Variants in FRS2 observed in about 807,000 individuals in gnomAD.
FRS2 encodes fibroblast growth factor receptor substrate 2.
FRS2 carries 8 observed loss-of-function variants against 43.9 expected under a neutral mutation model. The ratio of observed to expected loss-of-function variants is 0.18; its 90% CI spans 0.11 to 0.33. FRS2 has a LOEUF of 0.33. Among genes scored for constraint, FRS2 ranks in the 10% least tolerant of loss-of-function variants. The pLI, the probability that FRS2 is intolerant of heterozygous loss-of-function variation, is 1.00. For missense variants in FRS2, 534 were observed against 627.6 expected (o/e 0.85, Z 1.59); for synonymous variants, 219 against 220.3 (o/e 0.99, Z 0.05).
intron 4 of FRS2, 48 bp downstream of exon 4, chr12:69,562,322 A>G (rs1804750432): frequency 2.5e-6 from 1 of 397,878 alleles, no homozygotes; most frequent in South Asian, 1.3e-4. Flanking sequence ...CTACATTTAC[A>G]ATTATTTTTT....
chr12:69,507,256 T>A (rs1242318757), intron 1 of FRS2, among the ~76,000 whole-genome samples: 1 of 152,226 alleles, frequency 6.6e-6, no homozygotes, highest in Non-Finnish European at 1.5e-5. Context: ...GGAGTATGCC[T>A]TTCTTTCTGT....
intron 1 of FRS2, among the ~76,000 whole-genome samples, chr12:69,489,669 A>C (rs1872281823): frequency 8.0e-6 from 1 of 125,520 alleles, no homozygotes; most frequent in Non-Finnish European, 1.7e-5. Context: ...ACTCCATCTC[A>C]AAAAAAAAAA....
In FRS2 at chr12:69,579,483, T is replaced by G. The variant is rs911974006; in HGVS notation, c.*4528T>G. On this transcript the variant is annotated 3_prime_UTR_variant, in exon 9 of 9. Transcript: ENST00000549921. Reference sequence around the variant, plus strand: ...TTAGTTCAAGGGCTAAGCAACACATTTTTAAATCCTTATTTATTGTAGAGT... The same window carrying G: ...TTAGTTCAAGGGCTAAGCAACACATGTTTAAATCCTTATTTATTGTAGAGT... The G allele has an allele frequency of 6.5e-6, 1 of 152,686 alleles. No homozygotes were observed. The highest frequency in any genetic ancestry group is 1.5e-5 in the Non-Finnish European group (1 of 68,044). 9.5% of individuals were successfully genotyped at this position (152,686 alleles called of 1,614,324 possible).
intron 1 of FRS2, among the ~76,000 whole-genome samples, chr12:69,493,507 G>A (rs1271194739): frequency 6.6e-6 from 1 of 152,206 alleles, no homozygotes; most frequent in East Asian, 1.9e-4. Context: ...GATCACCTGA[G>A]GTCGGGAGTT....
chr12:69,571,722 G>A (rs965583370), intron 7 of FRS2, among the ~76,000 whole-genome samples: 3 of 152,044 alleles, frequency 2.0e-5, no homozygotes, highest in African/African-American at 7.2e-5. Context: ...AAATTAGCCG[G>A]GCGTGGTGGT....
At chr12:69,530,842 T>G (rs1876715620) in intron 1 of FRS2, 23 bp from the exon 2 acceptor site, 2 of 152,616 alleles carry the variant, frequency 1.3e-5, no homozygotes, top group South Asian at 4.1e-4. Flanking sequence ...GTAACATTCT[T>G]AATAACTTAA....
At chr12:69,571,183 T>C (rs969332543) in intron 6 of FRS2, 93 bp from the exon 7 acceptor site, 1 of 726,902 alleles carries the variant, frequency 1.4e-6, no homozygotes, top group African/African-American at 1.8e-5. Flanking sequence ...GTGCGTAGAA[T>C]GCTTACTTTA....
chr12:69,544,798 G>A (rs1374122244), intron 3 of FRS2, among the ~76,000 whole-genome samples: 5 of 152,140 alleles, frequency 3.3e-5, no homozygotes, highest in African/African-American at 9.6e-5. Context: ...GTCATATTCA[G>A]TGGTGAAAGA....
intron 1 of FRS2, among the ~76,000 whole-genome samples, chr12:69,479,051 T>C (rs188615224): frequency 4.6e-4 from 70 of 152,274 alleles, no homozygotes; most frequent in African/African-American, 1.4e-3. Flanking sequence ...GAGATACTTT[T>C]GTTTTAAACA....
intron 8 of FRS2, 92 bp from the exon 9 acceptor site, chr12:69,573,911 ACT>A (rs1880969591): frequency 2.6e-6 from 2 of 759,952 alleles, no homozygotes; most frequent in Admixed American, 5.3e-5. Context: ...AATACAGTTA[ACT>A]GTTGTCAATA....
chr12:69,547,071 G>A (rs1341720405), intron 3 of FRS2, among the ~76,000 whole-genome samples: 2 of 152,186 alleles, frequency 1.3e-5, no homozygotes, highest in Non-Finnish European at 2.9e-5. Flanking sequence ...CTACAACATG[G>A]ATGAACCTTG....
intron 1 of FRS2, among the ~76,000 whole-genome samples, chr12:69,521,108 A>G (rs1392490044): frequency 1.3e-5 from 2 of 148,326 alleles, no homozygotes; most frequent in Non-Finnish European, 3.0e-5. Flanking sequence ...TTGTTGTAGA[A>G]CTCTTTTACT....
At chr12:69,518,755 C>T (rs1226939070) in intron 1 of FRS2, among the ~76,000 whole-genome samples, 1 of 151,880 alleles carries the variant, frequency 6.6e-6, no homozygotes, top group Non-Finnish European at 1.5e-5. Flanking sequence ...TGGCTCATGC[C>T]TGTAATCCCA....
chr12:69,567,008 C>G (rs937462949), intron 4 of FRS2, among the ~76,000 whole-genome samples: 3 of 152,202 alleles, frequency 2.0e-5, no homozygotes, highest in South Asian at 4.1e-4. Context: ...CTTTATTTTG[C>G]TTAGCATGTT....
intron 1 of FRS2, among the ~76,000 whole-genome samples, chr12:69,523,818 CCTT>C (rs1160061488): frequency 6.6e-6 from 1 of 152,190 alleles, no homozygotes; most frequent in Non-Finnish European, 1.5e-5. Flanking sequence ...TCTTATTTCT[CCTT>C]CATTTATGAA....
intron 4 of FRS2, among the ~76,000 whole-genome samples, chr12:69,564,068 C>T (rs519320): frequency 0.093 from 14,146 of 152,114 alleles, 860 homozygotes; most frequent in Non-Finnish European, 0.14. Context: ...AATATATTCA[C>T]ACCGTAGCCC....
At chr12:69,552,469 G>A (rs1198983986) in intron 3 of FRS2, among the ~76,000 whole-genome samples, 1 of 152,056 alleles carries the variant, frequency 6.6e-6, no homozygotes, top group Non-Finnish European at 1.5e-5. Flanking sequence ...CCAAGAACTG[G>A]AAAGTAAGAA....
chr12:69,541,365 TCAGGGTAAA>T (rs1877885862), intron 3 of FRS2, among the ~76,000 whole-genome samples: 1 of 152,216 alleles, frequency 6.6e-6, no homozygotes, highest in Non-Finnish European at 1.5e-5. Context: ...TTTTTAAACT[TCAGGGTAAA>T]CAAAATTCTT....
intron 3 of FRS2, among the ~76,000 whole-genome samples, chr12:69,557,479 G>A (rs1879454144): frequency 6.6e-6 from 1 of 152,126 alleles, no homozygotes; most frequent in African/African-American, 2.4e-5. Flanking sequence ...AGAGAGCTGT[G>A]TGATTGCTCA....
Sources: gnomAD v4.1 joint callset for allele counts (sites outside exome capture counted in the v4.1 genomes callset) on GRCh38, gnomAD v4.1.1 for gene constraint, MANE v1.5 for transcripts, NCBI Gene and HGNC (gene_info 2026-07-23, HGNC 2026-07-21) for gene names.